GRIN2B: variants seen among roughly 807,000 people sequenced by gnomAD.
GRIN2B encodes glutamate receptor ionotropic, NMDA 2B.
In GRIN2B, 5 loss-of-function variants were observed where a neutral mutation model predicts 114.5. The observed-to-expected ratio is 0.04, with a 90% CI of 0.02 to 0.09. The LOEUF is 0.09. Ranked by LOEUF, GRIN2B falls within the 10% of genes least tolerant of loss-of-function variation. GRIN2B has a pLI of 1.00. For synonymous variants in GRIN2B, 787 were observed against 745.1 expected, an observed-to-expected ratio of 1.06 and a Z score of -0.92; for missense variants, 1,108 against 1,943.5, an observed-to-expected ratio of 0.57 and a Z score of 8.08.
chr12:13,548,087 C>G lies in GRIN2B; in HGVS notation c.*14696G>C, dbSNP rs143237371. ...GTCTAGCTTGGAAATAAATCAAAAC[C>G]ATCAGAGGAATTACATTCCACCCCT... On this transcript the variant is annotated 3_prime_UTR_variant, in exon 14 of 14. Transcript: ENST00000609686. The G allele has an allele frequency of 6.7e-6, 1 of 149,378 alleles. No homozygotes were observed. The highest frequency in any genetic ancestry group is 2.5e-5 in the African/African-American group (1 of 40,600). 9.3% of individuals were successfully genotyped at this position (149,378 alleles called of 1,614,324 possible). A position where few individuals can be genotyped will look rare whatever the true frequency, so the allele number is the denominator to read the frequency against.
At chr12:13,861,982 C>T (rs1048310678) in intron 3 of GRIN2B, among the ~76,000 whole-genome samples, 1 of 152,118 alleles carries the variant, frequency 6.6e-6, no homozygotes, top group African/African-American at 2.4e-5. Flanking sequence ...TATTAGTATC[C>T]CCATTATACA....
At position 13,841,908 on chromosome 12, in the gene GRIN2B, G is replaced by T. The variant is rs771002895; in HGVS notation, c.411+23890C>A. 6.5e-4 allele frequency among the ~76,000 whole-genome samples: 99 copies of T among 152,082 alleles called. 1 individual carries two copies. The highest frequency in any genetic ancestry group is 2.1e-4 in the Non-Finnish European group (14 of 67,976). On this transcript the variant is annotated intron_variant, in intron 3 of 13. Coordinates refer to ENST00000609686, the MANE Select transcript of GRIN2B (RefSeq NM_000834.5). Reference sequence around the variant, plus strand: ...TATGGTATAGGACTATTTTTTAAAAGTCGAAATTGGAAAAATAACAATTCA... The same window carrying T: ...TATGGTATAGGACTATTTTTTAAAATTCGAAATTGGAAAAATAACAATTCA...
chr12:13,981,173 A>C (rs1391231871), intron 1 of GRIN2B, among the ~76,000 whole-genome samples, 169 bp downstream of exon 1: 1 of 144,928 alleles, frequency 6.9e-6, no homozygotes, highest in Admixed American at 7.0e-5. Context: ...AAAAAAAAAA[A>C]CCTTTAAAAA....
chr12:13,587,039 T>C (rs1257880025), intron 10 of GRIN2B, among the ~76,000 whole-genome samples: 1 of 152,240 alleles, frequency 6.6e-6, no homozygotes, highest in East Asian at 1.9e-4. Context: ...ATTCTTGCCT[T>C]CATTGAGTTT....
At chr12:13,907,508 A>T (rs986087600) in intron 2 of GRIN2B, among the ~76,000 whole-genome samples, 1 of 152,114 alleles carries the variant, frequency 6.6e-6, no homozygotes, top group Admixed American at 6.5e-5. Flanking sequence ...AAAAAAAAAA[A>T]AAGTCCTCCA....
At chr12:13,746,182 G>A (rs1053905601) in intron 4 of GRIN2B, among the ~76,000 whole-genome samples, 1 of 152,156 alleles carries the variant, frequency 6.6e-6, no homozygotes, top group Non-Finnish European at 1.5e-5. Context: ...GAGGACATTT[G>A]CATCAGGATT....
intron 5 of GRIN2B, among the ~76,000 whole-genome samples, chr12:13,653,728 T>C (rs1438978224): frequency 2.0e-5 from 3 of 152,208 alleles, no homozygotes. Flanking sequence ...CAGTACAATA[T>C]TAACTCAGTA....
chr12:13,555,850 G>A lies in GRIN2B; in HGVS notation c.*6933C>T, dbSNP rs1177537306. On this transcript the variant is annotated 3_prime_UTR_variant, in exon 14 of 14. Coordinates refer to ENST00000609686, the MANE Select transcript of GRIN2B (RefSeq NM_000834.5). ...AAAAGTCCAAGTGAGTAGGCTTCAG[G>A]TGAGGTTAAATTGATTGAATTTGTG... 2 of 152,324 alleles carry A rather than the reference G, an allele frequency of 1.3e-5. No individual in the cohort carries two copies. The highest frequency in any genetic ancestry group is 1.5e-5 in the Non-Finnish European group (1 of 68,030). The allele number at this position is 152,324 out of a possible 1,614,324, so 9.4% of individuals were successfully genotyped here.
At chr12:13,688,683 A>G (rs1192085993) in intron 4 of GRIN2B, among the ~76,000 whole-genome samples, 1 of 152,218 alleles carries the variant, frequency 6.6e-6, no homozygotes, top group African/African-American at 2.4e-5. Flanking sequence ...TTAAAGGCAG[A>G]CAATAAGAGC....
intron 2 of GRIN2B, among the ~76,000 whole-genome samples, chr12:13,971,514 A>C (rs1449401360): frequency 6.6e-6 from 1 of 152,184 alleles, no homozygotes; most frequent in East Asian, 1.9e-4. Context: ...CGTGCCTTTA[A>C]TATTCTACTT....
chr12:13,894,435 A>G (rs908773917), intron 2 of GRIN2B, among the ~76,000 whole-genome samples: 2 of 152,190 alleles, frequency 1.3e-5, no homozygotes, highest in Non-Finnish European at 2.9e-5. Context: ...TCAATAACAT[A>G]GAAAAATCTG....
At chr12:13,640,808 G>C (rs1949707919) in intron 5 of GRIN2B, among the ~76,000 whole-genome samples, 1 of 152,018 alleles carries the variant, frequency 6.6e-6, no homozygotes, top group South Asian at 2.1e-4. Context: ...AGCCTAGGTC[G>C]AGTAGGTAAG....
chr12:13,921,242 C>T (rs563149147), intron 2 of GRIN2B, among the ~76,000 whole-genome samples: 32 of 151,994 alleles, frequency 2.1e-4, no homozygotes, highest in Non-Finnish European at 4.0e-4. Context: ...ACTAAAAATA[C>T]AACACATTAG....
Position 13,927,807 on chromosome 12 carries a change from T to TA in GRIN2B, c.-19+52120dup, listed in dbSNP as rs111780557. Among the ~76,000 whole-genome samples, 22 of 143,364 alleles carry TA rather than the reference T, an allele frequency of 1.5e-4. No individual in the cohort carries two copies. The South Asian group carries it at 2.9e-3, about 19-fold the overall frequency. The allele number at this position is 143,364 out of a possible 152,430, so 94.1% of individuals were successfully genotyped here. Reference sequence around the variant, plus strand: ...CCATCTCTACAAAAAAAATAAAAATTAAAAAAAAAATTAGCTGGGTGTTGT... The same window carrying TA: ...CCATCTCTACAAAAAAAATAAAAATTAAAAAAAAAAATTAGCTGGGTGTTGT... On this transcript the variant is annotated intron_variant, in intron 2 of 13. Transcript: ENST00000609686.
intron 4 of GRIN2B, among the ~76,000 whole-genome samples, chr12:13,741,058 T>C (rs892290430): frequency 2.0e-5 from 3 of 152,212 alleles, no homozygotes; most frequent in Admixed American, 6.5e-5. Flanking sequence ...TTTTATTTTA[T>C]TGCGATGGAG....
chr12:13,628,010 A>C (rs558680004), intron 5 of GRIN2B, among the ~76,000 whole-genome samples: 1 of 152,354 alleles, frequency 6.6e-6, no homozygotes, highest in Non-Finnish European at 1.5e-5. Flanking sequence ...ACAGGATTTG[A>C]ACACAGGCAG....
intron 2 of GRIN2B, among the ~76,000 whole-genome samples, chr12:13,882,106 G>C (rs564116451): frequency 1.6e-4 from 25 of 152,298 alleles, no homozygotes; most frequent in Non-Finnish European, 3.4e-4. Flanking sequence ...ATCTCCCGGA[G>C]ATAGATGAAG....
At chr12:13,573,773 T>C (rs1411447415) in intron 10 of GRIN2B, among the ~76,000 whole-genome samples, 3 of 152,168 alleles carry the variant, frequency 2.0e-5, no homozygotes, top group African/African-American at 7.2e-5. Flanking sequence ...TTTTCCTTCT[T>C]AGAATATGGG....
chr12:13,780,508 C>T (rs748657235), intron 3 of GRIN2B, among the ~76,000 whole-genome samples: 6 of 152,114 alleles, frequency 3.9e-5, no homozygotes, highest in South Asian at 2.1e-4. Context: ...CTATGTTTCC[C>T]GAAATTCCTT....
Sources: gnomAD v4.1 joint callset for allele counts (sites outside exome capture counted in the v4.1 genomes callset) on GRCh38, gnomAD v4.1.1 for gene constraint, MANE v1.5 for transcripts, NCBI Gene and HGNC (gene_info 2026-07-23, HGNC 2026-07-21) for gene names.